The following TM9SF4 variants were observed in gnomAD, a reference collection of about 807,000 sequenced individuals.
TM9SF4 encodes the protein transmembrane 9 superfamily member 4.
Under a neutral mutation model 90.4 loss-of-function variants are expected in TM9SF4, and 26 were observed. The observed-to-expected ratio is 0.29, with a 90% CI of 0.21 to 0.40. TM9SF4 has a LOEUF of 0.40. TM9SF4 is among the 10% of genes least tolerant of loss of function. The pLI is 1.00. For synonymous variants in TM9SF4, 293 were observed against 315.4 expected (o/e 0.93, Z 0.75); for missense variants, 549 against 834.8 (o/e 0.66, Z 4.22).
At chr20:32,133,221 A>G (rs562228040) in intron 2 of TM9SF4, 95 bp downstream of exon 2, 1 of 1,140,254 alleles carries the variant, frequency 8.8e-7, no homozygotes, top group African/African-American at 1.5e-5. Flanking sequence ...GGTTGCAGAG[A>G]AGAAAGAATA....
chr20:32,114,195 T>C (rs2046188791), intron 1 of TM9SF4, among the ~76,000 whole-genome samples: 3 of 152,270 alleles, frequency 2.0e-5, no homozygotes, highest in Admixed American at 1.3e-4. Context: ...CAGTTCACAC[T>C]GTTTTGAGGT....
intron 1 of TM9SF4, among the ~76,000 whole-genome samples, chr20:32,115,414 C>T (rs944992790): frequency 7.9e-5 from 12 of 152,174 alleles, no homozygotes; most frequent in Admixed American, 2.0e-4. Context: ...CATCTGGCCA[C>T]GGATGAATAA....
intron 1 of TM9SF4, among the ~76,000 whole-genome samples, chr20:32,112,152 G>A (rs2046152160): frequency 1.3e-5 from 2 of 152,190 alleles, no homozygotes; most frequent in Non-Finnish European, 1.5e-5. Flanking sequence ...ACTCACACCT[G>A]TAATCCCAGC....
intron 5 of TM9SF4, 137 bp downstream of exon 5, chr20:32,142,032 C>T: frequency 3.5e-6 from 5 of 1,410,732 alleles, no homozygotes; most frequent in South Asian, 2.7e-5. Context: ...TGTCAGAGGT[C>T]CGAGTGCTCC....
intron 6 of TM9SF4, 74 bp from the exon 7 acceptor site, chr20:32,145,017 G>A: frequency 6.9e-7 from 1 of 1,444,442 alleles, no homozygotes. Flanking sequence ...CAGCCTTGAG[G>A]GCAGCCCCTG....
intron 2 of TM9SF4, among the ~76,000 whole-genome samples, chr20:32,135,469 A>G (rs1171843703): frequency 6.6e-6 from 1 of 152,238 alleles, no homozygotes; most frequent in Non-Finnish European, 1.5e-5. Flanking sequence ...TTTTTAAAAA[A>G]CAGGGAAACT....
intron 1 of TM9SF4, among the ~76,000 whole-genome samples, chr20:32,129,080 C>T (rs895149650): frequency 1.7e-4 from 25 of 151,468 alleles, no homozygotes; most frequent in African/African-American, 5.1e-4. Flanking sequence ...AAAAGCTCAT[C>T]ACTAAGACAT....
intron 17 of TM9SF4, among the ~76,000 whole-genome samples, chr20:32,163,262 AAAAAAAATATAT>A (rs1408676373): frequency 1.4e-5 from 1 of 71,236 alleles, no homozygotes; most frequent in Admixed American, 1.7e-4. Flanking sequence ...AAAAAAAAAA[AAAAAAAATATAT>A]ATATATATAT....
At position 32,155,140 on chromosome 20, in the gene TM9SF4, G is replaced by C. The variant is rs761561622; in HGVS notation, c.1283G>C (p.Cys428Ser). ...TLYPGVVFGI[C>S]FVLNCFIWGK... ...TACCCTGGTGTGGTTTTTGGCATCT[G>C]CTTCGTATTGAATTGCTTCATTTGG... The change falls in exon 13 of 18, where the codon TGC (cysteine) becomes TCC (serine). Residue 428 changes from cysteine (C) to serine (S), a missense_variant. This residue lies in a region of TM9SF4 where 495 missense variants were observed against 711.7 expected (regional missense o/e 0.70). Coordinates refer to ENST00000398022, the MANE Select transcript of TM9SF4 (RefSeq NM_014742.4). 24 of 1,614,076 alleles carry C rather than the reference G, an allele frequency of 1.5e-5. No homozygotes were observed. In the South Asian group the frequency reaches 1.9e-4, roughly 13 times the overall value.
At chr20:32,147,003 A>G (rs530019860) in intron 9 of TM9SF4, 148 bp downstream of exon 9, 32 of 710,444 alleles carry the variant, frequency 4.5e-5, no homozygotes, top group Non-Finnish European at 6.0e-5. Context: ...TTTTTTTGAG[A>G]CGGAGTCTCG....
chr20:32,165,238 C>T (rs1223851587), intron 17 of TM9SF4, 57 bp from the exon 18 acceptor site: 13 of 1,602,012 alleles, frequency 8.1e-6, no homozygotes, highest in Admixed American at 1.7e-5. Flanking sequence ...GGCCCCAGTT[C>T]GCCATGCAGC....
intron 1 of TM9SF4, among the ~76,000 whole-genome samples, chr20:32,119,578 C>G (rs1274653720): frequency 6.6e-6 from 1 of 151,972 alleles, no homozygotes; most frequent in Non-Finnish European, 1.5e-5. Flanking sequence ...AGTTCCTTAT[C>G]AGGTATGTGA....
At chr20:32,165,217 AG>A in intron 17 of TM9SF4, 77 bp from the exon 18 acceptor site, 7 of 1,583,964 alleles carry the variant, frequency 4.4e-6, no homozygotes, top group Non-Finnish European at 6.0e-6. Flanking sequence ...CCATGATATC[AG>A]TGAGAGTGGG....
chr20:32,123,689 G>T, intron 1 of TM9SF4, among the ~76,000 whole-genome samples: 2 of 148,826 alleles, frequency 1.3e-5, no homozygotes, highest in African/African-American at 2.5e-5. Context: ...TCTGGATTTT[G>T]CTTTATTCTT....
chr20:32,152,277 T>G (rs1308170516), intron 12 of TM9SF4, among the ~76,000 whole-genome samples: 1 of 151,702 alleles, frequency 6.6e-6, no homozygotes, highest in Non-Finnish European at 1.5e-5. Context: ...GGCAAGATTC[T>G]TCCCTGGAGA....
chr20:32,139,051 A>C (rs1437624163), intron 3 of TM9SF4, among the ~76,000 whole-genome samples: 1 of 152,206 alleles, frequency 6.6e-6, no homozygotes, highest in African/African-American at 2.4e-5. Flanking sequence ...CAGCCTTCCA[A>C]AACAGGGTGG....
At chr20:32,162,594 C>CT (rs747902081) in intron 17 of TM9SF4, among the ~76,000 whole-genome samples, 10 of 152,252 alleles carry the variant, frequency 6.6e-5, no homozygotes, top group Non-Finnish European at 1.5e-4. Flanking sequence ...ATCTGGCCCT[C>CT]TAAGTAAAAG....
chr20:32,145,740 C>T (rs948071138), intron 8 of TM9SF4, among the ~76,000 whole-genome samples: 3 of 152,170 alleles, frequency 2.0e-5, no homozygotes, highest in Non-Finnish European at 4.4e-5. Context: ...ATGGTATGAA[C>T]AAGCCCGACC....
rs1433215999 is a variant in TM9SF4, at chr20:32,141,844, A to T, written c.477A>T (p.Lys159Asn). The T allele has an allele frequency of 1.2e-6, 2 of 1,613,910 alleles. No individual in the cohort carries two copies. The highest frequency in any genetic ancestry group is 1.7e-6 in the Non-Finnish European group (2 of 1,180,010). Residue 159 changes from lysine (K) to asparagine (N), a missense_variant, in exon 5 of 18, where the codon AAA becomes AAT. Around this residue, in one of 2 missense-constraint regions of TM9SF4, gnomAD observed 495 missense variants for 711.7 expected, o/e 0.70. Coordinates refer to ENST00000398022, the MANE Select transcript of TM9SF4 (RefSeq NM_014742.4). ...ACAGCGATGACAAGAAGAAGGAAAA[A>T]GATGTGCAGTTTGAACACGGCTACC... ...NRDSDDKKKE[K>N]DVQFEHGYRL...
Sources: gnomAD v4.1 joint callset for allele counts (sites outside exome capture counted in the v4.1 genomes callset) on GRCh38, gnomAD v4.1.1 for gene constraint, gnomAD v4.1.1 regional missense constraint, MANE v1.5 for transcripts, NCBI Gene and HGNC (gene_info 2026-07-23, HGNC 2026-07-21) for gene names.